The following DRC9 variants were observed in gnomAD, a reference collection of about 807,000 sequenced individuals.
DRC9 encodes dynein regulatory complex protein 9.
the DRC9 span, chr3:197,932,157 C>T: frequency 6.2e-7 from 1 of 1,607,102 alleles, no homozygotes; most frequent in African/African-American, 1.3e-5. Flanking sequence ...AGCAAGTAAA[C>T]CTAACATGAC....
the DRC9 span, among the ~76,000 whole-genome samples, chr3:197,944,527 C>A: frequency 3.3e-5 from 5 of 152,048 alleles, no homozygotes; most frequent in African/African-American, 9.7e-5. Flanking sequence ...TGGCTCACTG[C>A]AAGCTCTGCC....
the DRC9 span, chr3:197,944,098 C>T: frequency 2.6e-6 from 4 of 1,556,362 alleles, no homozygotes; most frequent in African/African-American, 5.5e-5. Context: ...AATATTTAAA[C>T]ATTACTTTAA....
chr3:197,895,760 A>C, the DRC9 span, among the ~76,000 whole-genome samples: 1 of 151,334 alleles, frequency 6.6e-6, no homozygotes. Context: ...GGATTACTTG[A>C]GTCCAGGAGT....
chr3:197,949,748 C>T, the DRC9 span: 1 of 289,710 alleles, frequency 3.5e-6, no homozygotes, highest in East Asian at 5.9e-5. Context: ...CCTTTCTCTT[C>T]CATGCTAGAT....
At chr3:197,922,460 C>A in the DRC9 span, among the ~76,000 whole-genome samples, 12 of 152,240 alleles carry the variant, frequency 7.9e-5, no homozygotes, top group East Asian at 2.1e-3. Flanking sequence ...AATCTCAGCA[C>A]TTTGGGAGGC....
the DRC9 span, among the ~76,000 whole-genome samples, chr3:197,944,615 AT>A: frequency 6.6e-6 from 1 of 151,934 alleles, no homozygotes; most frequent in Non-Finnish European, 1.5e-5. Context: ...CACCTGGCTA[AT>A]TTTTTGTATT....
chr3:197,912,619 A>G, the DRC9 span: 8 of 1,142,268 alleles, frequency 7.0e-6, no homozygotes, highest in East Asian at 7.1e-5. Context: ...TTGTTTCCTC[A>G]GTATAAGCAG....
At chr3:197,897,401 A>C in the DRC9 span, among the ~76,000 whole-genome samples, 2 of 152,196 alleles carry the variant, frequency 1.3e-5, no homozygotes, top group African/African-American at 2.4e-5. Flanking sequence ...GAACCGCTAT[A>C]TTCTTTTTTT....
the DRC9 span, chr3:197,960,148 G>T: frequency 5.9e-5 from 79 of 1,329,224 alleles, no homozygotes; most frequent in Non-Finnish European, 7.5e-5. Flanking sequence ...GCGCCTTTCC[G>T]CCGGCTGGGC....
the DRC9 span, among the ~76,000 whole-genome samples, chr3:197,915,659 C>T: frequency 6.6e-6 from 1 of 152,202 alleles, no homozygotes; most frequent in South Asian, 2.1e-4. Context: ...GATGGAGGCT[C>T]GCTCTTGTTG....
chr3:197,911,764 T>G, the DRC9 span, among the ~76,000 whole-genome samples: 2 of 151,974 alleles, frequency 1.3e-5, no homozygotes, highest in Non-Finnish European at 2.9e-5. Flanking sequence ...CTCAGCCTTC[T>G]GAGTAGCTGG....
At chr3:197,921,989 C>G in the DRC9 span, among the ~76,000 whole-genome samples, 89,391 of 134,156 alleles carry the variant, frequency 0.67, 27,266 homozygotes, top group African/African-American at 0.73. Context: ...GTAACTCTGG[C>G]GATTTAACTT....
the DRC9 span, among the ~76,000 whole-genome samples, chr3:197,926,429 G>C: frequency 6.6e-6 from 1 of 152,206 alleles, no homozygotes; most frequent in Non-Finnish European, 1.5e-5. Flanking sequence ...AGGACAGCAA[G>C]AGGAGAAAGA....
the DRC9 span, chr3:197,953,936 A>C: frequency 4.5e-6 from 7 of 1,555,340 alleles, no homozygotes; most frequent in Non-Finnish European, 6.2e-6. Flanking sequence ...ACTCGTGTAG[A>C]GGTCACCTTG....
chr3:197,934,450 G>T, the DRC9 span, among the ~76,000 whole-genome samples: 1 of 152,136 alleles, frequency 6.6e-6, no homozygotes, highest in African/African-American at 2.4e-5. Context: ...CTCCCAAAGT[G>T]CTGGGATTAC....
the DRC9 span, chr3:197,891,344 G>A: frequency 1.5e-6 from 1 of 666,244 alleles, no homozygotes; most frequent in Admixed American, 2.4e-5. Flanking sequence ...CAGATCTGCA[G>A]TTCCTTGATA....
chr3:197,934,341 C>T, the DRC9 span, among the ~76,000 whole-genome samples: 2 of 152,006 alleles, frequency 1.3e-5, no homozygotes, highest in Non-Finnish European at 1.5e-5. Context: ...CGTGCCACCA[C>T]ACCCAGCTAA....
At chr3:197,889,101 T>G in the DRC9 span, 2 of 153,538 alleles carry the variant, frequency 1.3e-5, no homozygotes, top group African/African-American at 4.8e-5. Context: ...GAACCAACAT[T>G]TATTAAAACT....
At chr3:197,914,790 C>T in the DRC9 span, among the ~76,000 whole-genome samples, 1 of 152,138 alleles carries the variant, frequency 6.6e-6, no homozygotes, top group South Asian at 2.1e-4. Context: ...GTACATTAGA[C>T]TCTGGAAGGT....
Sources: allele counts gnomAD v4.1 joint callset (sites outside exome capture counted in the v4.1 genomes callset), GRCh38; gene constraint gnomAD v4.1.1; transcripts MANE v1.5; gene names NCBI Gene and HGNC (gene_info 2026-07-23, HGNC 2026-07-21).